Variants in DMRTC1B observed in about 807,000 individuals in gnomAD.
DMRTC1B encodes DMRT like family C1B.
chrX:72,840,227 GCAAAGCAAAGCAAAGCAAA>G, intron 1 of DMRTC1B, among the ~76,000 whole-genome samples: 1 of 73,777 alleles, frequency 1.4e-5, no homozygotes, highest in Non-Finnish European at 3.0e-5. Flanking sequence ...GCAAAGCAAA[GCAAAGCAAAGCAAAGCAAA>G]CTCTGGGTCC....
At chrX:72,820,527 T>G (rs1191507198) in intron 1 of DMRTC1B, among the ~76,000 whole-genome samples, 998 of 112,487 alleles carry the variant, frequency 8.9e-3, no homozygotes, top group Non-Finnish European at 0.014. Flanking sequence ...TTTTTTTTTT[T>G]TTTTTTTTTT....
At position 72,840,160 on chromosome X, in the gene DMRTC1B, AAAAGC is replaced by A. The variant is rs1211099420; in HGVS notation, c.-94-4867_-94-4863del. 1.8e-3 allele frequency among the ~76,000 whole-genome samples: 174 copies of A among 94,612 alleles called. 6 individuals carry two copies. The highest frequency in any genetic ancestry group is 6.5e-3 in the African/African-American group (164 of 25,104). 82.2% of individuals were successfully genotyped at this position (94,612 alleles called of 115,157 possible). A position where few individuals can be genotyped will look rare whatever the true frequency, so the allele number is the denominator to read the frequency against. ...AAAAAAAAGAAAGAAAGAAAAGAGAAAAAGCAAAGCAAAGCAAAGAGAAAAAGCAA... is the reference window on the plus strand; with the variant it reads ...AAAAAAAAGAAAGAAAGAAAAGAGAAAAAGCAAAGCAAAGAGAAAAAGCAA... On this transcript the variant is annotated intron_variant, in intron 1 of 6. Coordinates refer to ENST00000334036, the MANE Select transcript of DMRTC1B (RefSeq NM_001386972.1).
rs1280395593 is a variant in DMRTC1B at position 72,807,388 on chromosome X, G to A, written c.-95+30140G>A. The A allele has an allele frequency of 7.5e-5, 27 of 357,626 alleles. 3 individuals are homozygous for A. The highest frequency in any genetic ancestry group is 2.1e-4 in the South Asian group (4 of 19,385). The allele number at this position is 357,626 out of a possible 1,213,427, so 29.5% of individuals were successfully genotyped here. A position where few individuals can be genotyped will look rare whatever the true frequency, so the allele number is the denominator to read the frequency against. ...AAAGCTGACCACCCCCAGTTCAGCCGACGTGTTGAAAGTTACATCAAATGC... is the reference window on the plus strand; with the variant it reads ...AAAGCTGACCACCCCCAGTTCAGCCAACGTGTTGAAAGTTACATCAAATGC... On this transcript the variant is annotated intron_variant, in intron 1 of 6. Transcript: ENST00000334036.
At chrX:72,807,332 A>G in intron 1 of DMRTC1B, 1 of 358,106 alleles carries the variant, frequency 2.8e-6, no homozygotes, top group Non-Finnish European at 4.6e-6. Flanking sequence ...GGAAGATGCT[A>G]GCTCTCTCCC....
At chrX:72,841,742 TC>T (rs2054738733) in intron 1 of DMRTC1B, among the ~76,000 whole-genome samples, 1 of 36,498 alleles carries the variant, frequency 2.7e-5, no homozygotes, top group Non-Finnish European at 4.9e-5. Context: ...TCACAGATAA[TC>T]CCAGAACGCC....
intron 1 of DMRTC1B, among the ~76,000 whole-genome samples, chrX:72,792,738 TC>T (rs2054620234): frequency 1.3e-5 from 1 of 77,650 alleles, no homozygotes; most frequent in Non-Finnish European, 2.5e-5. Context: ...TGGAGGGAAA[TC>T]AGGCTCACCA....
At chrX:72,839,624 T>C (rs1387566391) in intron 1 of DMRTC1B, among the ~76,000 whole-genome samples, 2 of 97,089 alleles carry the variant, frequency 2.1e-5, no homozygotes, top group African/African-American at 3.9e-5. Context: ...ATGATTTTTG[T>C]ACTTTTTTGA....
chrX:72,808,267 CT>C (rs1284472102), intron 1 of DMRTC1B: 2 of 98,886 alleles, frequency 2.0e-5, no homozygotes, highest in African/African-American at 2.1e-4. Flanking sequence ...CCCTCCCCCC[CT>C]ACAGCCTGGT....
chrX:72,802,538 AAT>A (rs1556346640), intron 1 of DMRTC1B, among the ~76,000 whole-genome samples: 4 of 63,671 alleles, frequency 6.3e-5, no homozygotes, highest in African/African-American at 1.4e-4. Flanking sequence ...CACAAAGAGT[AAT>A]AGCGTCGGTC....
intron 1 of DMRTC1B, chrX:72,807,380 G>C (rs1203343665): frequency 1.1e-4 from 38 of 361,716 alleles, no homozygotes; most frequent in African/African-American, 3.9e-4. Flanking sequence ...ACCACCCCCA[G>C]TTCAGCCGAC....
At chrX:72,820,578 C>T (rs1396326175) in intron 1 of DMRTC1B, among the ~76,000 whole-genome samples, 4 of 95,089 alleles carry the variant, frequency 4.2e-5, no homozygotes, top group Non-Finnish European at 8.0e-5. Context: ...AGTGCAGTGG[C>T]GCAATCTCGG....
intron 1 of DMRTC1B, among the ~76,000 whole-genome samples, chrX:72,817,876 A>ATGTGTGTGTG (rs528034350): frequency 8.5e-4 from 13 of 15,336 alleles, no homozygotes; most frequent in Admixed American, 5.1e-3. Context: ...GCGTGTGTGT[A>ATGTGTGTGTG]TGTGTGTGTG....
At chrX:72,820,803 TA>T (rs1416088657) in intron 1 of DMRTC1B, among the ~76,000 whole-genome samples, 2 of 67,447 alleles carry the variant, frequency 3.0e-5, no homozygotes, top group African/African-American at 5.7e-5. Flanking sequence ...TATTTTTTTT[TA>T]GTATCAGCAT....
intron 1 of DMRTC1B, among the ~76,000 whole-genome samples, chrX:72,840,232 G>A (rs1178365708): frequency 2.3e-5 from 2 of 87,500 alleles, no homozygotes; most frequent in African/African-American, 8.8e-5. Flanking sequence ...GCAAAGCAAA[G>A]CAAAGCAAAG....
chrX:72,804,563 C>T (rs2054649271), intron 1 of DMRTC1B, among the ~76,000 whole-genome samples: 1 of 50,813 alleles, frequency 2.0e-5, no homozygotes, highest in South Asian at 7.3e-4. Flanking sequence ...CTTGTGCTGG[C>T]GATGCAACCT....
chrX:72,820,597 A>G (rs1214006187), intron 1 of DMRTC1B, among the ~76,000 whole-genome samples: 4 of 89,969 alleles, frequency 4.4e-5, no homozygotes, highest in Non-Finnish European at 6.2e-5. Flanking sequence ...GGCCCACTGC[A>G]GGCTCCGCCC....
chrX:72,840,138 AAAAAG>A (rs1366301715), intron 1 of DMRTC1B, among the ~76,000 whole-genome samples: 728 of 47,956 alleles, frequency 0.015, 12 homozygotes, highest in East Asian at 0.059. Context: ...AAAAAAAAAA[AAAAAG>A]AAAGAAAGAA....
intron 1 of DMRTC1B, among the ~76,000 whole-genome samples, chrX:72,820,903 GTATTTTC>G (rs1204651401): frequency 6.0e-5 from 1 of 16,568 alleles, no homozygotes; most frequent in African/African-American, 2.6e-4. Context: ...ATCTCAAAAA[GTATTTTC>G]TAGTTTCCCT....
At chrX:72,832,658 A>AGGGGAG in intron 1 of DMRTC1B, among the ~76,000 whole-genome samples, 1 of 103,938 alleles carries the variant, frequency 9.6e-6, no homozygotes, top group South Asian at 4.2e-4. Context: ...GGAGGGCAGG[A>AGGGGAG]GGGGAGGGGG....
Sources: gnomAD v4.1 joint callset for allele counts (sites outside exome capture counted in the v4.1 genomes callset) on GRCh38, gnomAD v4.1.1 for gene constraint, MANE v1.5 for transcripts, NCBI Gene and HGNC (gene_info 2026-07-23, HGNC 2026-07-21) for gene names.